CAPSL: variants seen among roughly 807,000 people sequenced by gnomAD.
The protein encoded by CAPSL is calcyphosine like.
CAPSL carries 17 observed loss-of-function variants against 21.3 expected under a neutral mutation model. That is an observed-to-expected ratio of 0.80 (90% CI 0.55 to 1.20). CAPSL has a LOEUF of 1.20. Among genes scored for constraint, CAPSL ranks in the 50% most tolerant of loss-of-function variants. The pLI, the probability that CAPSL is intolerant of heterozygous loss-of-function variation, is 0.00. For synonymous variants in CAPSL, 102 were observed against 89.3 expected, an observed-to-expected ratio of 1.14 and a Z score of -0.80; for missense variants, 289 against 259.3, an observed-to-expected ratio of 1.11 and a Z score of -0.79.
intron 4 of CAPSL, among the ~76,000 whole-genome samples, chr5:35,907,783 A>C (rs1302577762): frequency 6.6e-6 from 1 of 152,246 alleles, no homozygotes; most frequent in South Asian, 2.1e-4. Flanking sequence ...AAATGAGCAC[A>C]CTGGCTTCAA....
chr5:35,935,401 T>G (rs1403160525), intron 1 of CAPSL, among the ~76,000 whole-genome samples: 1 of 151,744 alleles, frequency 6.6e-6, no homozygotes, highest in Non-Finnish European at 1.5e-5. Flanking sequence ...GGTGTCATCA[T>G]AGCTCACTGC....
chr5:35,919,170 A>AAAATATATAT (rs754098152), intron 2 of CAPSL, among the ~76,000 whole-genome samples: 21 of 121,274 alleles, frequency 1.7e-4, no homozygotes, highest in Middle Eastern at 4.3e-3. Context: ...TAAAAAAAAA[A>AAAATATATAT]ATATATATAT....
chr5:35,913,045 G>C (rs1738274795), intron 2 of CAPSL, among the ~76,000 whole-genome samples: 1 of 152,192 alleles, frequency 6.6e-6, no homozygotes, highest in Admixed American at 6.5e-5. Flanking sequence ...CATGACAAGA[G>C]AACTACGTGA....
chr5:35,937,732 CA>C (rs1738988857), intron 1 of CAPSL, among the ~76,000 whole-genome samples: 1 of 151,112 alleles, frequency 6.6e-6, no homozygotes, highest in Non-Finnish European at 1.5e-5. Flanking sequence ...TAATTTTTAT[CA>C]GAATATAAAT....
chr5:35,930,703 A>C (rs1738798973), intron 1 of CAPSL, among the ~76,000 whole-genome samples: 1 of 152,236 alleles, frequency 6.6e-6, no homozygotes, highest in Non-Finnish European at 1.5e-5. Flanking sequence ...AACCCTTGGA[A>C]GTTTACATTC....
chr5:35,923,010 A>G (rs1489491362), intron 1 of CAPSL, among the ~76,000 whole-genome samples: 1 of 152,144 alleles, frequency 6.6e-6, no homozygotes, highest in Non-Finnish European at 1.5e-5. Flanking sequence ...ACTGGTGTCA[A>G]CAACATGCCC....
intron 1 of CAPSL, among the ~76,000 whole-genome samples, chr5:35,929,046 C>T (rs907631151): frequency 6.6e-6 from 1 of 152,132 alleles, no homozygotes; most frequent in Admixed American, 6.5e-5. Context: ...TATAACACAA[C>T]ACAGGGCAAG....
chr5:35,927,204 A>T (rs1561443018), intron 1 of CAPSL, among the ~76,000 whole-genome samples: 1 of 152,160 alleles, frequency 6.6e-6, no homozygotes, highest in Admixed American at 6.5e-5. Context: ...CTGTTGAGGA[A>T]GTCCTGCAGG....
At chr5:35,919,170 AATAT>A (rs1554069749) in intron 2 of CAPSL, among the ~76,000 whole-genome samples, 4 of 121,274 alleles carry the variant, frequency 3.3e-5, no homozygotes, top group African/African-American at 5.9e-5. Context: ...TAAAAAAAAA[AATAT>A]ATATATATAT....
At chr5:35,914,086 A>C (rs1237915321) in intron 2 of CAPSL, among the ~76,000 whole-genome samples, 4 of 152,158 alleles carry the variant, frequency 2.6e-5, no homozygotes, top group East Asian at 1.9e-4. Flanking sequence ...AGACTTTAAA[A>C]CAACAAAGAT....
chr5:35,931,383 A>G (rs895203513), intron 1 of CAPSL, among the ~76,000 whole-genome samples: 4 of 152,100 alleles, frequency 2.6e-5, no homozygotes, highest in African/African-American at 9.7e-5. Flanking sequence ...AAAGAGAGCA[A>G]AATAAACAGC....
chr5:35,938,448 G>A (rs1229493001), intron 1 of CAPSL, 93 bp downstream of exon 1: 1 of 151,548 alleles, frequency 6.6e-6, no homozygotes, highest in Non-Finnish European at 1.5e-5. Flanking sequence ...TTTCTTTTTA[G>A]AGAGTAACAT....
intron 2 of CAPSL, among the ~76,000 whole-genome samples, chr5:35,914,623 G>A (rs1159885538): frequency 1.1e-4 from 16 of 151,960 alleles, no homozygotes; most frequent in Non-Finnish European, 1.6e-4. Context: ...GGTACATAAC[G>A]AAATGAAGGC....
chr5:35,935,173 T>C (rs1738913322), intron 1 of CAPSL, among the ~76,000 whole-genome samples: 1 of 152,114 alleles, frequency 6.6e-6, no homozygotes, highest in South Asian at 2.1e-4. Flanking sequence ...TTTCAAGTGG[T>C]GTCATCAATC....
chr5:35,936,135 A>T (rs962029), intron 1 of CAPSL, among the ~76,000 whole-genome samples: 1 of 152,048 alleles, frequency 6.6e-6, no homozygotes, highest in South Asian at 2.1e-4. Context: ...AAAAAATGGA[A>T]CCACCAGTTA....
At chr5:35,912,637 G>A (rs1738261379) in intron 2 of CAPSL, among the ~76,000 whole-genome samples, 2 of 152,242 alleles carry the variant, frequency 1.3e-5, no homozygotes, top group African/African-American at 4.8e-5. Context: ...CAACAGACCT[G>A]CAGCTGAGGT....
At chr5:35,915,832 T>G (rs1738370201) in intron 2 of CAPSL, among the ~76,000 whole-genome samples, 1 of 152,188 alleles carries the variant, frequency 6.6e-6, no homozygotes, top group African/African-American at 2.4e-5. Context: ...TCACCACTCC[T>G]ATTCAACATA....
intron 1 of CAPSL, among the ~76,000 whole-genome samples, chr5:35,931,685 G>T (rs1228532586): frequency 6.6e-6 from 1 of 152,164 alleles, no homozygotes; most frequent in African/African-American, 2.4e-5. Context: ...TAAAGAAACA[G>T]AGTAAGAAGC....
intron 1 of CAPSL, 135 bp downstream of exon 1, chr5:35,938,406 C>G (rs565786721): frequency 6.6e-6 from 1 of 152,146 alleles, no homozygotes; most frequent in Non-Finnish European, 1.5e-5. Context: ...GATGGCTTCT[C>G]TAGTCCAAGA....
Sources: gnomAD v4.1 joint callset for allele counts (sites outside exome capture counted in the v4.1 genomes callset) on GRCh38, gnomAD v4.1.1 for gene constraint, MANE v1.5 for transcripts, NCBI Gene and HGNC (gene_info 2026-07-23, HGNC 2026-07-21) for gene names.